Variants in SH3RF2 observed in about 807,000 individuals in gnomAD.
SH3RF2 encodes the protein SH3 domain containing ring finger 2, also known as E3 ubiquitin-protein ligase SH3RF2.
In SH3RF2, 43 loss-of-function variants were observed where a neutral mutation model predicts 59.0. The ratio of observed to expected loss-of-function variants is 0.73; its 90% confidence interval spans 0.57 to 0.94. The LOEUF (loss-of-function observed/expected upper bound fraction) is 0.94, where lower values mean the gene tolerates loss of function less well. Among genes scored for constraint, SH3RF2 ranks in the 40% least tolerant of loss-of-function variants. The pLI is 0.00. For missense variants in SH3RF2, 930 were observed against 940.1 expected, an observed-to-expected ratio of 0.99 and a Z score of 0.14; for synonymous variants, 391 against 391.5, an observed-to-expected ratio of 1.00 and a Z score of 0.01.
chr5:145,956,122 T>G (rs1758396490), intron 2 of SH3RF2, among the ~76,000 whole-genome samples: 1 of 152,160 alleles, frequency 6.6e-6, no homozygotes, highest in Admixed American at 6.5e-5. Context: ...GAATTTCTCA[T>G]AAGTTCTCAG....
At chr5:145,963,290 T>TGGATG (rs1561712422) in intron 2 of SH3RF2, among the ~76,000 whole-genome samples, 44 of 139,082 alleles carry the variant, frequency 3.2e-4, no homozygotes, top group African/African-American at 1.2e-3. Context: ...ATGGATGGAT[T>TGGATG]AATAACTATA....
chr5:145,987,898 C>T (rs1759775453), intron 2 of SH3RF2, among the ~76,000 whole-genome samples: 1 of 152,222 alleles, frequency 6.6e-6, no homozygotes, highest in South Asian at 2.1e-4. Flanking sequence ...TTGTTTATCA[C>T]ATTAATCGTC....
rs182441145 is a variant in SH3RF2 at position 146,062,324 on chromosome 5, G to A, written c.1915-102G>A. The A allele has an allele frequency of 2.1e-4, 295 of 1,414,740 alleles. No individual in the cohort carries two copies. The African/African-American group carries it at 3.6e-3, about 17-fold the overall frequency. 87.6% of individuals were successfully genotyped at this position (1,414,740 alleles called of 1,614,324 possible). ...ACACTCATGGTAGCCACAGATATTT[G>A]CAGAATGAACACATAAATGAGACAT... On this transcript the variant is annotated intron_variant, in intron 9 of 9. Transcript: ENST00000359120.
chr5:146,067,472 C>G (rs181309421), downstream of SH3RF2, among the ~76,000 whole-genome samples: 1 of 152,132 alleles, frequency 6.6e-6, no homozygotes, highest in African/African-American at 2.4e-5. Context: ...AAGTCGCAGC[C>G]GAATACTTAG....
chr5:145,939,509 T>A (rs1757729460), intron 2 of SH3RF2, among the ~76,000 whole-genome samples: 1 of 152,226 alleles, frequency 6.6e-6, no homozygotes, highest in African/African-American at 2.4e-5. Flanking sequence ...ATGGCGCATG[T>A]GTAAACATTC....
At chr5:146,081,762 A>G (rs951735288) in exon 10 of SH3RF2, 2 of 151,428 alleles carry the variant, frequency 1.3e-5, no homozygotes, top group African/African-American at 4.8e-5. Context: ...AAACATGTTT[A>G]TTTTCACTTA....
intron 2 of SH3RF2, among the ~76,000 whole-genome samples, chr5:145,964,297 TTCCTTC>T (rs1561713106): frequency 5.7e-5 from 8 of 139,634 alleles, no homozygotes; most frequent in South Asian, 2.3e-4. Flanking sequence ...CCTTCCTTCC[TTCCTTC>T]CTTTCTTTCT....
chr5:146,025,763 G>A (rs1254408204), intron 5 of SH3RF2, among the ~76,000 whole-genome samples: 1 of 152,198 alleles, frequency 6.6e-6, no homozygotes, highest in Non-Finnish European at 1.5e-5. Context: ...ACAGAGGAAG[G>A]TAGCTTAGTA....
intron 2 of SH3RF2, among the ~76,000 whole-genome samples, chr5:145,990,661 G>A (rs537888117): frequency 1.3e-5 from 2 of 152,288 alleles, no homozygotes; most frequent in East Asian, 1.9e-4. Context: ...TTCCTCTTGT[G>A]GCTTCCAGAC....
intron 2 of SH3RF2, chr5:145,997,484 A>G: frequency 1.3e-6 from 2 of 1,577,224 alleles, no homozygotes; most frequent in South Asian, 1.1e-5. Flanking sequence ...TGGATACAGT[A>G]CAATTTGGGA....
intron 2 of SH3RF2, among the ~76,000 whole-genome samples, chr5:145,994,587 C>G (rs182100866): frequency 9.2e-5 from 14 of 152,220 alleles, no homozygotes; most frequent in African/African-American, 3.4e-4. Context: ...AAGCGGAAAC[C>G]CTTGATACAC....
chr5:145,982,843 C>A (rs1358868025), intron 2 of SH3RF2, among the ~76,000 whole-genome samples: 1 of 152,098 alleles, frequency 6.6e-6, no homozygotes, highest in Non-Finnish European at 1.5e-5. Context: ...AAGCTGAGAC[C>A]TAAAAGATAA....
chr5:146,010,590 A>T (rs543766278), intron 4 of SH3RF2, among the ~76,000 whole-genome samples: 13 of 152,306 alleles, frequency 8.5e-5, no homozygotes, highest in Non-Finnish European at 1.9e-4. Flanking sequence ...GTGAGATGGT[A>T]TCTCATTGTG....
chr5:145,960,329 A>G (rs2149953323), intron 2 of SH3RF2, among the ~76,000 whole-genome samples: 1 of 152,344 alleles, frequency 6.6e-6, no homozygotes, highest in South Asian at 2.1e-4. Flanking sequence ...AAAGAATCAC[A>G]AATATTTACT....
chr5:146,045,363 T>G (rs1762266954), intron 5 of SH3RF2, among the ~76,000 whole-genome samples: 1 of 152,248 alleles, frequency 6.6e-6, no homozygotes, highest in South Asian at 2.1e-4. Flanking sequence ...ATTCACCCAT[T>G]TAAGGTGTAC....
At chr5:145,950,063 G>GA (rs201852388) in intron 2 of SH3RF2, among the ~76,000 whole-genome samples, 88 of 142,114 alleles carry the variant, frequency 6.2e-4, no homozygotes, top group African/African-American at 2.5e-3. Context: ...AGGAGCCAAA[G>GA]AAAGGTGGAT....
At chr5:146,064,795 G>A (rs1488183342), downstream of SH3RF2, among the ~76,000 whole-genome samples, 154 of 32,994 alleles carry the variant, frequency 4.7e-3, 14 homozygotes, top group African/African-American at 0.014. Context: ...AAGGAAGGAA[G>A]GAAGGAAGGA....
intron 2 of SH3RF2, among the ~76,000 whole-genome samples, chr5:145,981,154 G>A (rs943308721): frequency 1.1e-4 from 16 of 151,992 alleles, no homozygotes; most frequent in Non-Finnish European, 1.9e-4. Flanking sequence ...GAGTGCAGTG[G>A]CATGATTATA....
downstream of SH3RF2, among the ~76,000 whole-genome samples, chr5:146,064,870 G>GAAAGAA: frequency 8.2e-6 from 1 of 121,898 alleles, no homozygotes; most frequent in Non-Finnish European, 1.8e-5. Flanking sequence ...GAAAGAGAAA[G>GAAAGAA]AAAAAGAAAA....
Sources: allele counts gnomAD v4.1 joint callset (sites outside exome capture counted in the v4.1 genomes callset), GRCh38; gene constraint gnomAD v4.1.1; transcripts MANE v1.5; gene names NCBI Gene and HGNC (gene_info 2026-07-23, HGNC 2026-07-21).